Variants in TPM1 observed in about 807,000 individuals in gnomAD.
The protein encoded by TPM1 is tropomyosin 1, also known as tropomyosin alpha-1 chain.
TPM1 carries 24 observed loss-of-function variants against 42.9 expected under a neutral mutation model. The ratio of observed to expected loss-of-function variants is 0.56; its 90% CI spans 0.41 to 0.79. TPM1 has a LOEUF of 0.79. Ranked by LOEUF, TPM1 falls within the 30% of genes least tolerant of loss-of-function variation. The pLI is 0.00. For synonymous variants in TPM1, 136 were observed against 130.1 expected (o/e 1.05, Z -0.31); for missense variants, 158 against 351.8 (o/e 0.45, Z 4.41).
At chr15:63,050,118 T>G (rs1212406632) in intron 2 of TPM1, among the ~76,000 whole-genome samples, 1 of 152,218 alleles carries the variant, frequency 6.6e-6, no homozygotes, top group African/African-American at 2.4e-5. Flanking sequence ...GTAAAGACAG[T>G]ACACTGATGC....
At chr15:63,068,046 G>A (rs1420580905), downstream of TPM1, among the ~76,000 whole-genome samples, 1 of 152,146 alleles carries the variant, frequency 6.6e-6, no homozygotes, top group African/African-American at 2.4e-5. Flanking sequence ...TTCCATTCTA[G>A]CCTGGCCAAA....
At chr15:63,070,579 A>G, downstream of TPM1, 1 of 1,009,388 alleles carries the variant, frequency 9.9e-7, no homozygotes, top group Non-Finnish European at 1.2e-6. Context: ...TGTGCATGAA[A>G]CATGTTGACA....
chr15:63,048,251 G>A (rs1036074978), intron 2 of TPM1: 6 of 506,236 alleles, frequency 1.2e-5, no homozygotes, highest in African/African-American at 7.9e-5. Context: ...CTCCCGGAGC[G>A]CCCAGCTCAC....
At chr15:63,062,716 A>G (rs569383169) in intron 8 of TPM1, 71 bp downstream of exon 8, 15 of 1,611,780 alleles carry the variant, frequency 9.3e-6, no homozygotes, top group South Asian at 8.8e-5. Flanking sequence ...CAATTTTCCA[A>G]TTCAAGGGCA....
intron 8 of TPM1, chr15:63,063,231 G>T (rs1027726409): frequency 3.5e-5 from 34 of 985,290 alleles, no homozygotes; most frequent in Non-Finnish European, 2.5e-5. Flanking sequence ...TTTGAAGCTT[G>T]TGAAGGATTA....
exon 9 of TPM1, chr15:63,071,363 ATG>A (rs2036600380): frequency 1.7e-6 from 1 of 584,524 alleles, no homozygotes; most frequent in South Asian, 1.9e-5. Flanking sequence ...CCTGGTTCAA[ATG>A]TGCCATTTCC....
chr15:63,044,193 C>T (rs1390967709), intron 2 of TPM1, 41 bp downstream of exon 2: 3 of 1,613,972 alleles, frequency 1.9e-6, no homozygotes, highest in East Asian at 2.2e-5. Context: ...CTCTTGCCTG[C>T]GTGGCCACTC....
chr15:63,065,407 C>T (rs1375098832), intron 9 of TPM1: 12 of 1,003,068 alleles, frequency 1.2e-5, no homozygotes, highest in Non-Finnish European at 1.4e-5. Flanking sequence ...AAGAGAGTGG[C>T]ATGTGCCTGC....
exon 9 of TPM1, chr15:63,071,340 A>T: frequency 1.5e-6 from 1 of 686,854 alleles, no homozygotes; most frequent in Admixed American, 2.4e-5. Flanking sequence ...AGGCAAGCCC[A>T]TGTCAGGGCG....
At position 63,050,065 on chromosome 15, in the gene TPM1, T is replaced by C. The variant is rs1234691194; in HGVS notation, c.240+5913T>C. On this transcript the variant is annotated intron_variant, in intron 2 of 9. Coordinates refer to ENST00000403994, the MANE Select transcript of TPM1 (RefSeq NM_001018005.2). ...GTTTCAGTTCCCTGTGTGTAAAGTG[T>C]GGATAGTAACAGCATCTACCTGTCG... Among the ~76,000 whole-genome samples, 15 of 152,320 alleles carry C rather than the reference T, an allele frequency of 9.8e-5. No individual in the cohort carries two copies. In the South Asian group the frequency reaches 3.1e-3, roughly 32 times the overall value.
chr15:63,063,071 G>C (rs1284256917), intron 8 of TPM1: 4 of 981,596 alleles, frequency 4.1e-6, no homozygotes, highest in Admixed American at 6.2e-5. Context: ...AAGGATTTAG[G>C]GGTTATTTTA....
At chr15:63,047,677 G>A (rs1181468129) in intron 2 of TPM1, 1 of 152,450 alleles carries the variant, frequency 6.6e-6, no homozygotes, top group Non-Finnish European at 1.5e-5. Flanking sequence ...TTACACAGCT[G>A]ATTATGGGCC....
intron 2 of TPM1, chr15:63,056,732 T>C: frequency 1.9e-6 from 1 of 517,646 alleles, no homozygotes; most frequent in East Asian, 3.7e-5. Flanking sequence ...GAGCGTTTGC[T>C]AATGATCTGT....
intron 9 of TPM1, chr15:63,064,578 T>A: frequency 9.6e-7 from 1 of 1,045,204 alleles, no homozygotes; most frequent in Non-Finnish European, 1.2e-6. Context: ...CCTTAAAGTG[T>A]CAGGTTATTG....
chr15:63,043,433 A>G, intron 1 of TPM1: 1 of 653,324 alleles, frequency 1.5e-6, no homozygotes. Context: ...CCCGAAAGCC[A>G]GGCCAGCAGT....
chr15:63,069,692 C>G (rs1307141549), downstream of TPM1, among the ~76,000 whole-genome samples: 3 of 152,192 alleles, frequency 2.0e-5, no homozygotes, highest in African/African-American at 7.2e-5. Context: ...TTTTTAGGGT[C>G]TACCCTTCCT....
intron 8 of TPM1, chr15:63,062,951 T>C (rs1436054676): frequency 4.2e-6 from 6 of 1,428,558 alleles, no homozygotes; most frequent in Non-Finnish European, 4.6e-6. Flanking sequence ...AGAATGACTC[T>C]AGTATATTTT....
At chr15:63,053,046 C>T (rs901150513) in intron 2 of TPM1, among the ~76,000 whole-genome samples, 1 of 152,166 alleles carries the variant, frequency 6.6e-6, no homozygotes. Flanking sequence ...TGGCTTTAAC[C>T]TCAAAGCCCC....
chr15:63,045,705 A>G (rs1251476176), intron 2 of TPM1: 9 of 152,234 alleles, frequency 5.9e-5, no homozygotes, highest in Admixed American at 5.9e-4. Context: ...TATTGTAACT[A>G]TGTAGTGCTA....
Sources: allele counts gnomAD v4.1 joint callset (sites outside exome capture counted in the v4.1 genomes callset), GRCh38; gene constraint gnomAD v4.1.1; transcripts MANE v1.5; gene names NCBI Gene and HGNC (gene_info 2026-07-23, HGNC 2026-07-21).